The following DDX5 variants were observed in gnomAD, a reference collection of about 807,000 sequenced individuals.
DDX5 encodes probable ATP-dependent RNA helicase DDX5.
Under a neutral mutation model 68.6 loss-of-function variants are expected in DDX5, and 6 were observed. That is an observed-to-expected ratio of 0.09 (90% confidence interval 0.05 to 0.17). The LOEUF (loss-of-function observed/expected upper bound fraction) is 0.17, where lower values mean the gene tolerates loss of function less well. Among genes scored for constraint, DDX5 ranks in the 10% least tolerant of loss-of-function variants. The probability of loss-of-function intolerance (pLI) is 1.00; values close to 1 mark genes in which losing one functional copy is unlikely to be tolerated. For missense variants in DDX5, 499 were observed against 756.1 expected, an observed-to-expected ratio of 0.66 and a Z score of 3.99; for synonymous variants, 350 against 247.0, an observed-to-expected ratio of 1.42 and a Z score of -3.91.
chr17:64,505,782 G>A (rs2038474082), intron 1 of DDX5: 1 of 1,536,122 alleles, frequency 6.5e-7, no homozygotes, highest in Non-Finnish European at 8.7e-7. Flanking sequence ...GAAGCGTCCC[G>A]CTTTCATCCG....
At chr17:64,506,414 G>C, upstream of DDX5, 1 of 1,386,518 alleles carries the variant, frequency 7.2e-7, no homozygotes, top group South Asian at 1.5e-5. Flanking sequence ...GCCCGCTGGC[G>C]TTCCAGGATC....
chr17:64,500,806 TGTACGGA>T, intron 11 of DDX5, 33 bp from the exon 12 acceptor site: 1 of 1,538,024 alleles, frequency 6.5e-7, no homozygotes, highest in Non-Finnish European at 9.0e-7. Flanking sequence ...AAAATAGCAA[TGTACGGA>T]GTTTTGCACA....
intron 11 of DDX5, 39 bp downstream of exon 11, chr17:64,501,968 ATCT>A: frequency 6.3e-7 from 1 of 1,585,492 alleles, no homozygotes; most frequent in Non-Finnish European, 8.6e-7. Flanking sequence ...TTAAATGGAG[ATCT>A]TCTGGGAAAC....
chr17:64,501,114 G>C, intron 11 of DDX5: 1 of 298,712 alleles, frequency 3.3e-6, no homozygotes, highest in Middle Eastern at 4.0e-4. Flanking sequence ...AAGTTTCACA[G>C]CAACCTCTTC....
In DDX5 at chr17:64,504,399, A is replaced by G. The variant is rs191553979; in HGVS notation, c.211-81T>C. On this transcript the variant is annotated intron_variant, in intron 2 of 12. Coordinates refer to ENST00000225792, the MANE Select transcript of DDX5 (RefSeq NM_004396.5). ...ACGTAATTGATAAGCCCCTAACTTCATAATTTAGTAACTAGTTTAAAGTAG... is the reference window on the plus strand; with the variant it reads ...ACGTAATTGATAAGCCCCTAACTTCGTAATTTAGTAACTAGTTTAAAGTAG... The G allele has an allele frequency of 9.7e-5, 121 of 1,248,882 alleles. 1 individual carries two copies. In the East Asian group the frequency reaches 2.3e-3, roughly 24 times the overall value. 77.4% of individuals were successfully genotyped at this position (1,248,882 alleles called of 1,614,324 possible).
At position 64,504,683 on chromosome 17, in the gene DDX5, G is replaced by A; in HGVS notation, c.204C>T (p.Arg68=). 1 of 1,612,104 alleles carries A rather than the reference G, an allele frequency of 6.2e-7. No individual in the cohort carries two copies. The highest frequency in any genetic ancestry group is 8.5e-7 in the Non-Finnish European group (1 of 1,179,324). Residue 68 remains arginine, a synonymous_variant, in exon 2 of 13, where the codon CGC becomes CGT. Transcript: ENST00000225792. ...FYQEHPDLAR[R]TAQEVETYRR... The stretch of plus-strand genomic sequence containing the variant: ...GCCACATGAATTTACTCACTGCTGT[G>A]CGCCTAGCCAAATCAGGGTGCTCTT...
At chr17:64,506,020 A>AACCCCCCCCCCCCCCC in intron 1 of DDX5, 56 bp downstream of exon 1, 16 of 868,026 alleles carry the variant, frequency 1.8e-5, no homozygotes, top group East Asian at 4.4e-5. Context: ...CGCCACCCTG[A>AACCCCCCCCCCCCCCC]CCCGCCCTCC....
chr17:64,501,915 A>G (rs2038306393), intron 11 of DDX5, 95 bp downstream of exon 11: 1 of 1,337,612 alleles, frequency 7.5e-7, no homozygotes, highest in Non-Finnish European at 1.1e-6. Flanking sequence ...AAAACTTAGA[A>G]AAAATGCAGG....
rs782756724 is a variant in DDX5, at chr17:64,500,147, TG to T, written c.1620del (p.Tyr540Ter). The part of the protein sequence containing the change: ...TQNGVYSAAN[Y>X]TNGSFGSNFV... ...AAATTACTTCCAAAGCTCCCATTGGTGTAATTTGCAGCACTGTAAACACCAT... is the reference window on the plus strand; with the variant it reads ...AAATTACTTCCAAAGCTCCCATTGGTTAATTTGCAGCACTGTAAACACCAT... On this transcript the variant is annotated frameshift_variant, in exon 13 of 13. Coordinates refer to ENST00000225792, the MANE Select transcript of DDX5 (RefSeq NM_004396.5). LOFTEE classifies it high-confidence loss of function. 1 of 1,614,212 alleles carries T rather than the reference TG, an allele frequency of 6.2e-7. No individual in the cohort carries two copies.
At position 64,502,915 on chromosome 17, in the gene DDX5, A is replaced by T; in HGVS notation, c.983+11T>A. 1 of 1,571,618 alleles carries T rather than the reference A, an allele frequency of 6.4e-7. No homozygotes were observed. The highest frequency in any genetic ancestry group is 8.6e-7 in the Non-Finnish European group (1 of 1,159,330). On this transcript the variant is annotated intron_variant, in intron 8 of 12. Coordinates refer to ENST00000225792, the MANE Select transcript of DDX5 (RefSeq NM_004396.5). ...TTAGGAAGCAAATATAACAGAGTTA[A>T]TAAAACTTACTTTTCATCCTTTTCT...
chr17:64,506,020 A>AGCCCCC, intron 1 of DDX5, 56 bp downstream of exon 1: 1 of 868,084 alleles, frequency 1.2e-6, no homozygotes, highest in Non-Finnish European at 1.7e-6. Context: ...CGCCACCCTG[A>AGCCCCC]CCCGCCCTCC....
intron 9 of DDX5, 36 bp from the exon 10 acceptor site, chr17:64,502,259 A>G (rs782125498): frequency 1.9e-6 from 3 of 1,609,956 alleles, no homozygotes; most frequent in Non-Finnish European, 1.7e-6. Context: ...TTAAACTCAC[A>G]TTGAAAACCT....
intron 1 of DDX5, chr17:64,505,464 G>C: frequency 1.8e-6 from 1 of 568,442 alleles, no homozygotes; most frequent in Non-Finnish European, 3.1e-6. Flanking sequence ...GGCCCGGGCG[G>C]AGTCGGCCGG....
intron 9 of DDX5, 46 bp from the exon 10 acceptor site, chr17:64,502,269 T>C: frequency 6.2e-7 from 1 of 1,603,994 alleles, no homozygotes; most frequent in East Asian, 2.2e-5. Flanking sequence ...ATTGAAAACC[T>C]CAGACTCCAG....
intron 8 of DDX5, 159 bp downstream of exon 8, chr17:64,502,767 G>A (rs926305105): frequency 7.7e-6 from 6 of 783,312 alleles, no homozygotes; most frequent in Middle Eastern, 3.9e-4. Context: ...AATGGTGACA[G>A]CCATTATTTG....
Position 64,499,587 on chromosome 17 carries a change from CATT to C in DDX5, c.*333_*335del. 4.0e-6 allele frequency: 1 copy of C among 249,124 alleles called. No homozygotes were observed. Among genetic ancestry groups the C allele is most frequent in the Non-Finnish European group, 7.7e-6 (1 of 130,458 alleles). The allele number at this position is 249,124 out of a possible 1,614,324, so 15.4% of individuals were successfully genotyped here. On this transcript the variant is annotated 3_prime_UTR_variant, in exon 13 of 13. Transcript: ENST00000225792. ...CCATCTTAAGCAAAGTTTTACATGACATTATATAAAATAAAGTACAATTTCCAC... is the reference window on the plus strand; with the variant it reads ...CCATCTTAAGCAAAGTTTTACATGACATATAAAATAAAGTACAATTTCCAC...
chr17:64,502,321 G>T, intron 9 of DDX5, 98 bp from the exon 10 acceptor site: 1 of 1,491,064 alleles, frequency 6.7e-7, no homozygotes, highest in Non-Finnish European at 9.3e-7. Context: ...AATTTCGCCA[G>T]AAATGAAAAA....
chr17:64,506,192 C>T lies in DDX5; in HGVS notation c.-73G>A, dbSNP rs1555672596. On this transcript the variant is annotated 5_prime_UTR_variant, in exon 1 of 13. Transcript: ENST00000225792. The stretch of plus-strand genomic sequence containing the variant: ...TGCGACAAGTCGCTGGAAATGGCCT[C>T]GATGACGGCGAAGCCTTGCGGGGGC... 4 of 1,576,328 alleles carry T rather than the reference C, an allele frequency of 2.5e-6. No individual in the cohort carries two copies. The highest frequency in any genetic ancestry group is 1.7e-4 in the Middle Eastern group (1 of 6,012).
At position 64,505,284 on chromosome 17, in the gene DDX5, A is replaced by C. The variant is rs1293162429; in HGVS notation, c.45-442T>G. The C allele has an allele frequency of 2.9e-5, 9 of 307,642 alleles. No individual in the cohort carries two copies. In the South Asian group the frequency reaches 4.0e-4, roughly 14 times the overall value. 19.1% of individuals were successfully genotyped at this position (307,642 alleles called of 1,614,324 possible). ...GAACCAAACAGCTTTAGTGGTAAGA[A>C]CCTAAACAGTACAGTCAGCGATAAC... On this transcript the variant is annotated intron_variant, in intron 1 of 12. Coordinates refer to ENST00000225792, the MANE Select transcript of DDX5 (RefSeq NM_004396.5).
Sources: gnomAD v4.1 joint callset for allele counts on GRCh38, gnomAD v4.1.1 for gene constraint, MANE v1.5 for transcripts, NCBI Gene and HGNC (gene_info 2026-07-23, HGNC 2026-07-21) for gene names.